PDCD4: variants seen among roughly 807,000 people sequenced by gnomAD.
The protein encoded by PDCD4 is programmed cell death 4, also known as programmed cell death protein 4.
A neutral mutation model predicts 54.0 loss-of-function variants in PDCD4; 56 were observed. That is an observed-to-expected ratio of 1.04 (90% CI 0.84 to 1.30). The LOEUF (loss-of-function observed/expected upper bound fraction) is 1.30. Ranked by LOEUF, PDCD4 falls within the 50% of genes most tolerant of loss-of-function variation. The probability of loss-of-function intolerance (pLI) is 0.00; values close to 1 mark genes in which losing one functional copy is unlikely to be tolerated. For missense variants in PDCD4, 584 were observed against 559.8 expected (o/e 1.04, Z -0.44); for synonymous variants, 186 against 194.8 (o/e 0.95, Z 0.37).
At chr10:110,893,403 C>T (rs1845785636) in intron 8 of PDCD4, among the ~76,000 whole-genome samples, 2 of 149,488 alleles carry the variant, frequency 1.3e-5, no homozygotes, top group Admixed American at 1.3e-4. Flanking sequence ...TAGATATGTG[C>T]CCACCAAATA....
intron 5 of PDCD4, 128 bp from the exon 6 acceptor site, chr10:110,887,537 T>C: frequency 4.9e-6 from 3 of 617,422 alleles, no homozygotes; most frequent in East Asian, 2.8e-5. Context: ...ACTGGGTCTT[T>C]TGATTATTTC....
intron 2 of PDCD4, 103 bp downstream of exon 2, chr10:110,876,173 T>G: frequency 2.3e-6 from 2 of 858,016 alleles, no homozygotes; most frequent in Non-Finnish European, 3.5e-6. Flanking sequence ...CTCACTGCAG[T>G]TTTGACTTTC....
rs1015425056 is a variant in PDCD4, at chr10:110,890,669, A to G, written c.989A>G (p.Glu330Gly). ...CAATCTGTCAATCACCTTGTTAAAG[A>G]GGTAATGATTGGGTATTGTTTTTAA... ...GQQSVNHLVK[E>G]IDMLLKEYLL... The change falls in exon 8 of 12, where the codon GAG (glutamate) becomes GGG (glycine). Residue 330 changes from glutamate to glycine, a missense_variant and splice_region_variant. Transcript: ENST00000280154. 1 of 1,571,308 alleles carries G rather than the reference A, an allele frequency of 6.4e-7. No individual in the cohort carries two copies. Among genetic ancestry groups the G allele is most frequent in the Non-Finnish European group, 8.8e-7 (1 of 1,142,576 alleles).
chr10:110,881,459 T>C lies in PDCD4; in HGVS notation c.270T>C (p.Thr90=), dbSNP rs764757932. The change falls in exon 3 of 12, where the codon ACT becomes ACC. Residue 90 remains threonine (T), a synonymous_variant. Coordinates refer to ENST00000280154, the MANE Select transcript of PDCD4 (RefSeq NM_014456.5). ...GTGACGCCCTTAGAAGTGGATTAAC[T>C]GTGCCAACCAGTCCAAAGGGAAGGT... ...SGSDALRSGL[T]VPTSPKGRLL... 6.2e-7 allele frequency: 1 copy of C among 1,614,162 alleles called. No individual in the cohort carries two copies. Among genetic ancestry groups the C allele is most frequent in the East Asian group, 2.2e-5 (1 of 44,878 alleles).
In PDCD4 at chr10:110,881,414, T is replaced by C. The variant is rs370790644; in HGVS notation, c.225T>C (p.Asp75=). The part of the protein sequence containing the change: ...KNSSRDSGRG[D]SVSDSGSDAL... Reference sequence around the variant, plus strand: ...CATCCCGGGACTCTGGCAGAGGCGATTCGGTCAGCGACAGTGGGAGTGACG... The same window carrying C: ...CATCCCGGGACTCTGGCAGAGGCGACTCGGTCAGCGACAGTGGGAGTGACG... The change falls in exon 3 of 12, where the codon GAT becomes GAC. Residue 75 remains aspartate (D), a synonymous_variant. Coordinates refer to ENST00000280154, the MANE Select transcript of PDCD4 (RefSeq NM_014456.5). 138 of 1,614,062 alleles carry C rather than the reference T, an allele frequency of 8.5e-5. No homozygotes were observed. Among genetic ancestry groups the C allele is most frequent in the Non-Finnish European group, 1.1e-4 (132 of 1,180,038 alleles).
intron 11 of PDCD4, 119 bp from the exon 12 acceptor site, chr10:110,897,909 T>A (rs896795274): frequency 5.6e-6 from 3 of 536,660 alleles, no homozygotes; most frequent in African/African-American, 1.9e-5. Flanking sequence ...TTTTTTTTAA[T>A]GGAAAACCCT....
In PDCD4 at chr10:110,896,007, C is replaced by T. The variant is rs1432966036; in HGVS notation, c.1269C>T (p.Tyr423=). 1 of 1,607,856 alleles carries T rather than the reference C, an allele frequency of 6.2e-7. No individual in the cohort carries two copies. The change falls in exon 11 of 12, where the codon TAC becomes TAT. Residue 423 remains tyrosine (Y), a synonymous_variant. Coordinates refer to ENST00000280154, the MANE Select transcript of PDCD4 (RefSeq NM_014456.5). The part of the protein sequence containing the change: ...PDINLDVPHS[Y]SVLERFVEEC... ...TTAATCTGGATGTCCCACATTCATA[C>T]TCTGTGCTGGAGCGGTTTGTAGAAG...
rs1350898145 is a variant in PDCD4, at chr10:110,898,071, A to C, written c.1393A>C (p.Lys465Gln). The C allele has an allele frequency of 6.3e-7, 1 of 1,586,968 alleles. No homozygotes were observed. Among genetic ancestry groups the C allele is most frequent in the South Asian group, 1.2e-5 (1 of 86,398 alleles). Residue 465 changes from lysine to glutamine, a missense_variant, in exon 12 of 12, where the codon AAA becomes CAA. Physicochemically the swap from Lys to Gln is moderately conservative, Grantham distance 53 (BLOSUM62 1). Transcript: ENST00000280154. Reference sequence around the variant, plus strand: ...AAGCGAAGGAGATGGAGGTCGTCTTAAACCAGAGAGCTACTGAATATAAGA... The same window carrying C: ...AAGCGAAGGAGATGGAGGTCGTCTTCAACCAGAGAGCTACTGAATATAAGA... Reference protein sequence around the residue: ...FVSEGDGGRLKPESY With the variant: ...FVSEGDGGRLQPESY
At chr10:110,873,642 T>G (rs1346662893) in intron 1 of PDCD4, among the ~76,000 whole-genome samples, 1 of 152,206 alleles carries the variant, frequency 6.6e-6, no homozygotes, top group East Asian at 1.9e-4. Context: ...AGCGTTTGGA[T>G]TTTTTGCTTT....
rs186652263 is a variant in PDCD4 at position 110,889,194 on chromosome 10, C to T, written c.778-339C>T. Among the ~76,000 whole-genome samples, 6 of 140,822 alleles carry T rather than the reference C, an allele frequency of 4.3e-5. No individual in the cohort carries two copies. The East Asian group carries it at 1.2e-3, about 29-fold the overall frequency. The allele number at this position is 140,822 out of a possible 152,430, so 92.4% of individuals were successfully genotyped here. On this transcript the variant is annotated intron_variant, in intron 6 of 11. Transcript: ENST00000280154. ...CTGAGATCGTGCCACTGCACTCCAG[C>T]CTGGGCGACAGAGCGAGACTCTGTC...
At chr10:110,875,073 C>G (rs1478304480) in intron 1 of PDCD4, among the ~76,000 whole-genome samples, 3 of 152,252 alleles carry the variant, frequency 2.0e-5, no homozygotes, top group South Asian at 4.1e-4. Context: ...AAAAATACTT[C>G]TAGAGAGATT....
At chr10:110,894,723 T>G (rs1845805575) in intron 10 of PDCD4, among the ~76,000 whole-genome samples, 1 of 151,458 alleles carries the variant, frequency 6.6e-6, no homozygotes, top group African/African-American at 2.4e-5. Flanking sequence ...TGCAGTGTTT[T>G]TTTTTTTTTT....
intron 11 of PDCD4, 146 bp from the exon 12 acceptor site, chr10:110,897,882 A>G: frequency 2.1e-6 from 1 of 483,582 alleles, no homozygotes; most frequent in South Asian, 4.5e-5. Context: ...TTTCCAAAGG[A>G]ATTAGAGGCA....
chr10:110,891,251 A>G (rs531703824), intron 8 of PDCD4, among the ~76,000 whole-genome samples: 1 of 151,974 alleles, frequency 6.6e-6, no homozygotes, highest in Admixed American at 6.6e-5. Flanking sequence ...CTAAAAATAC[A>G]TAATAATTAG....
At chr10:110,875,823 A>C (rs1209072479) in intron 1 of PDCD4, 143 bp from the exon 2 acceptor site, 1 of 414,348 alleles carries the variant, frequency 2.4e-6, no homozygotes, top group Non-Finnish European at 4.3e-6. Context: ...TTTGAAAGTA[A>C]AGTGAACTGT....
chr10:110,891,724 C>G (rs542867853), intron 8 of PDCD4, among the ~76,000 whole-genome samples: 15 of 151,960 alleles, frequency 9.9e-5, no homozygotes, highest in Non-Finnish European at 1.9e-4. Context: ...GTAGTTAGAG[C>G]CTTGACTGTT....
rs972129810 is a variant in PDCD4, at chr10:110,898,832, C to T, written c.*744C>T. 3.9e-5 allele frequency: 6 copies of T among 152,532 alleles called. No individual in the cohort carries two copies. The highest frequency in any genetic ancestry group is 2.6e-4 in the Admixed American group (4 of 15,276). 9.4% of individuals were successfully genotyped at this position (152,532 alleles called of 1,614,324 possible). A position where few individuals can be genotyped will look rare whatever the true frequency, so the allele number is the denominator to read the frequency against. ...ATCTCATAAGGAAGCATATTTGAAC[C>T]TAGTCAATTTAATCTTAGTGTTCCC... On this transcript the variant is annotated 3_prime_UTR_variant, in exon 12 of 12. Transcript: ENST00000280154.
At chr10:110,883,711 AT>A (rs1357452214) in intron 4 of PDCD4, among the ~76,000 whole-genome samples, 2 of 152,112 alleles carry the variant, frequency 1.3e-5, no homozygotes, top group Admixed American at 1.3e-4. Context: ...TTTGAAGCAA[AT>A]CCCAAATGTT....
At chr10:110,883,587 C>G (rs1413693537) in intron 4 of PDCD4, among the ~76,000 whole-genome samples, 1 of 151,896 alleles carries the variant, frequency 6.6e-6, no homozygotes, top group African/African-American at 2.4e-5. Context: ...TCTGCTTGTA[C>G]TCCTCTCTTA....
Sources: allele counts gnomAD v4.1 joint callset (sites outside exome capture counted in the v4.1 genomes callset), GRCh38; gene constraint gnomAD v4.1.1; transcripts MANE v1.5; gene names NCBI Gene and HGNC (gene_info 2026-07-23, HGNC 2026-07-21).